Variants in PDE4B observed in about 807,000 individuals in gnomAD.
The protein encoded by PDE4B is phosphodiesterase 4B.
A neutral mutation model predicts 82.2 loss-of-function variants in PDE4B; 20 were observed. That is an observed-to-expected ratio of 0.24 (90% CI 0.17 to 0.35). The LOEUF is 0.35. Among genes scored for constraint, PDE4B ranks in the 10% least tolerant of loss-of-function variants. The pLI is 1.00. For missense variants in PDE4B, 655 were observed against 907.2 expected (o/e 0.72, Z 3.57); for synonymous variants, 320 against 318.9 (o/e 1.00, Z -0.04).
intron 7 of PDE4B, among the ~76,000 whole-genome samples, chr1:66,309,923 C>A (rs761506050): frequency 6.6e-6 from 1 of 152,130 alleles, no homozygotes; most frequent in South Asian, 2.1e-4. Flanking sequence ...CAAACATTGA[C>A]GTCCTGGGGT....
intron 1 of PDE4B, among the ~76,000 whole-genome samples, chr1:65,864,396 T>A (rs1301030696): frequency 6.6e-6 from 1 of 152,130 alleles, no homozygotes; most frequent in Non-Finnish European, 1.5e-5. Flanking sequence ...TCCAGTTTTG[T>A]GCCCTTGCTG....
chr1:66,130,132 T>C (rs183380983), intron 3 of PDE4B, among the ~76,000 whole-genome samples: 2 of 152,338 alleles, frequency 1.3e-5, no homozygotes, highest in South Asian at 2.1e-4. Flanking sequence ...GAAGTATAGA[T>C]TATCAATCAA....
chr1:66,103,072 T>C (rs893195251), intron 3 of PDE4B, among the ~76,000 whole-genome samples: 7 of 152,106 alleles, frequency 4.6e-5, no homozygotes, highest in African/African-American at 1.7e-4. Context: ...AATTACTTTT[T>C]CTCCCTAGGA....
At chr1:65,818,342 C>T (rs1570969104) in intron 1 of PDE4B, among the ~76,000 whole-genome samples, 1 of 152,192 alleles carries the variant, frequency 6.6e-6, no homozygotes, top group East Asian at 1.9e-4. Context: ...TTGTAATTTT[C>T]CTAGAGAGCT....
intron 1 of PDE4B, among the ~76,000 whole-genome samples, chr1:65,877,873 A>G (rs1178448119): frequency 2.6e-5 from 4 of 152,126 alleles, no homozygotes; most frequent in Admixed American, 6.5e-5. Flanking sequence ...ACAAAAGCCA[A>G]AATTGACAAA....
chr1:66,343,474 A>G (rs547487942), intron 8 of PDE4B, among the ~76,000 whole-genome samples: 30 of 152,166 alleles, frequency 2.0e-4, no homozygotes, highest in Non-Finnish European at 2.9e-4. Context: ...AACTTCCATA[A>G]CATTTTCAAA....
intron 3 of PDE4B, among the ~76,000 whole-genome samples, chr1:66,013,046 C>G (rs1269738552): frequency 6.6e-6 from 1 of 152,042 alleles, no homozygotes; most frequent in African/African-American, 2.4e-5. Flanking sequence ...GGTGGTCTGG[C>G]TCAAGAATCC....
At chr1:66,034,210 G>A (rs551119935) in intron 3 of PDE4B, among the ~76,000 whole-genome samples, 8 of 151,870 alleles carry the variant, frequency 5.3e-5, no homozygotes, top group African/African-American at 1.7e-4. Context: ...ATCTGTACAA[G>A]CCATGGATTT....
intron 1 of PDE4B, among the ~76,000 whole-genome samples, chr1:65,851,943 G>A (rs1646337361): frequency 1.3e-5 from 2 of 151,860 alleles, no homozygotes; most frequent in Non-Finnish European, 2.9e-5. Flanking sequence ...TTTAAAATAT[G>A]TTTTAATCAG....
intron 3 of PDE4B, among the ~76,000 whole-genome samples, chr1:66,166,724 ACTCTGTC>A (rs1646739484): frequency 6.9e-6 from 1 of 144,390 alleles, no homozygotes; most frequent in South Asian, 2.2e-4. Context: ...ATAGAGCAAG[ACTCTGTC>A]TCAAAAAAAA....
chr1:66,229,047 G>A (rs868444400), intron 3 of PDE4B, among the ~76,000 whole-genome samples: 11 of 151,554 alleles, frequency 7.3e-5, no homozygotes, highest in Non-Finnish European at 1.3e-4. Flanking sequence ...TTGCTCTGTC[G>A]CCCAGGCTGG....
intron 3 of PDE4B, among the ~76,000 whole-genome samples, chr1:66,050,021 G>A (rs1557524426): frequency 6.6e-6 from 1 of 151,962 alleles, no homozygotes. Flanking sequence ...GTAGTTTTGG[G>A]ACATAGGCAA....
intron 3 of PDE4B, among the ~76,000 whole-genome samples, chr1:66,191,187 A>G (rs1435213734): frequency 6.6e-6 from 1 of 152,110 alleles, no homozygotes; most frequent in African/African-American, 2.4e-5. Context: ...AATGGTATGT[A>G]TTGTCTAGGG....
intron 3 of PDE4B, among the ~76,000 whole-genome samples, chr1:66,104,972 T>A (rs1057150437): frequency 6.6e-6 from 1 of 151,496 alleles, no homozygotes; most frequent in East Asian, 1.9e-4. Context: ...TTTTGGCTTT[T>A]GTTGCCATTG....
chr1:66,363,090 C>T, intron 10 of PDE4B, 78 bp from the exon 11 acceptor site: 1 of 993,026 alleles, frequency 1.0e-6, no homozygotes, highest in Non-Finnish European at 1.5e-6. Context: ...AGCCAATGTC[C>T]AAAAAATAAA....
At chr1:66,121,905 C>T (rs1370570045) in intron 3 of PDE4B, among the ~76,000 whole-genome samples, 1 of 152,000 alleles carries the variant, frequency 6.6e-6, no homozygotes, top group African/African-American at 2.4e-5. Context: ...TTTCTTTCTC[C>T]TTTTCACCCT....
At chr1:66,274,327 A>T (rs1277693211) in intron 7 of PDE4B, among the ~76,000 whole-genome samples, 1 of 147,908 alleles carries the variant, frequency 6.8e-6, no homozygotes, top group Non-Finnish European at 1.5e-5. Flanking sequence ...CACCCAGCTA[A>T]TTTTTTTTTT....
At chr1:66,334,672 A>G (rs1169545211) in intron 8 of PDE4B, among the ~76,000 whole-genome samples, 2 of 152,278 alleles carry the variant, frequency 1.3e-5, no homozygotes, top group African/African-American at 4.8e-5. Flanking sequence ...TATTTAGTGC[A>G]TGAATGATGC....
intron 16 of PDE4B, among the ~76,000 whole-genome samples, chr1:66,371,369 C>A (rs1387256983): frequency 6.6e-6 from 1 of 151,810 alleles, no homozygotes; most frequent in Non-Finnish European, 1.5e-5. Flanking sequence ...TTCCCTCATT[C>A]AACTAGTGCC....
Sources: gnomAD v4.1 joint callset for allele counts (sites outside exome capture counted in the v4.1 genomes callset) on GRCh38, gnomAD v4.1.1 for gene constraint, MANE v1.5 for transcripts, NCBI Gene and HGNC (gene_info 2026-07-23, HGNC 2026-07-21) for gene names.